Variants in LCK observed in about 807,000 individuals in gnomAD.
The protein encoded by LCK is tyrosine-protein kinase Lck.
A neutral mutation model predicts 64.6 loss-of-function variants in LCK; 14 were observed. The observed-to-expected ratio is 0.22, with a 90% CI of 0.14 to 0.34. The LOEUF (loss-of-function observed/expected upper bound fraction) is 0.34. Among genes scored for constraint, LCK ranks in the 10% least tolerant of loss-of-function variants. LCK has a pLI of 1.00. For missense variants in LCK, 434 were observed against 668.1 expected, an observed-to-expected ratio of 0.65 and a Z score of 3.86; for synonymous variants, 277 against 263.6, an observed-to-expected ratio of 1.05 and a Z score of -0.49.
intron 1 of LCK, among the ~76,000 whole-genome samples, chr1:32,265,877 G>A (rs575444419): frequency 1.2e-4 from 18 of 151,584 alleles, no homozygotes; most frequent in African/African-American, 3.9e-4. Flanking sequence ...GTCTTGCTAC[G>A]TTGCCCAGGC....
chr1:32,266,680 C>A (rs1639923489), intron 1 of LCK, among the ~76,000 whole-genome samples: 1 of 77,222 alleles, frequency 1.3e-5, no homozygotes, highest in Non-Finnish European at 2.7e-5. Flanking sequence ...TCCTCCCCCT[C>A]CCCTTCCCCC....
chr1:32,274,957 C>T (rs779517104), intron 3 of LCK, 36 bp from the exon 4 acceptor site: 1 of 1,614,220 alleles, frequency 6.2e-7, no homozygotes, highest in Non-Finnish European at 8.5e-7. Flanking sequence ...CTGCCGATCC[C>T]AGCTCGGTTC....
chr1:32,259,816 C>A (rs1455128529), intron 1 of LCK, among the ~76,000 whole-genome samples: 1 of 151,510 alleles, frequency 6.6e-6, no homozygotes, highest in Non-Finnish European at 1.5e-5. Context: ...GAGGGCAAGA[C>A]CCTGTCTCAA....
rs746980721 is a variant in LCK at position 32,275,556 on chromosome 1, C to T, written c.378-13C>T. ...GACAGCCGACGGCCTTCGTTCGCTTCCGCCCTGCACAGCTGGTTCTTCAAG... is the reference window on the plus strand; with the variant it reads ...GACAGCCGACGGCCTTCGTTCGCTTTCGCCCTGCACAGCTGGTTCTTCAAG... On this transcript the variant is annotated splice_polypyrimidine_tract_variant and intron_variant, in intron 5 of 12. Transcript: ENST00000336890. The surrounding 1 kb of genome is among the most constrained non-coding windows in gnomAD (Gnocchi z 6.9). 6 of 1,563,408 alleles carry T rather than the reference C, an allele frequency of 3.8e-6. No individual in the cohort carries two copies. The highest frequency in any genetic ancestry group is 5.2e-6 in the Non-Finnish European group (6 of 1,153,340).
In LCK at chr1:32,285,712, C is replaced by A. The variant is rs1411051486; in HGVS notation, c.1526C>A (p.Pro509His). ...ACAGAGGGCCAGTACCAGCCTCAGC[C>A]TTGAGAGGCCTTGAGAGGCCCTGGG... ...TATEGQYQPQ[P>H] is the part of the protein sequence containing the mutation. Residue 509 changes from proline (P) to histidine (H), a missense_variant, in exon 13 of 13, where the codon CCT becomes CAT. Pro to His is a moderately conservative substitution (Grantham distance 77, BLOSUM62 -2). This residue lies in a region of LCK where 201 missense variants were observed against 376.9 expected (regional missense o/e 0.53). Transcript: ENST00000336890. The A allele has an allele frequency of 6.3e-7, 1 of 1,579,732 alleles. No homozygotes were observed. The highest frequency in any genetic ancestry group is 1.9e-5 in the Admixed American group (1 of 53,804).
At chr1:32,280,443 CTTTTTTTT>C (rs770430504) in intron 12 of LCK, among the ~76,000 whole-genome samples, 11 of 84,754 alleles carry the variant, frequency 1.3e-4, no homozygotes, top group South Asian at 8.8e-4. Context: ...TTTTCTTTTT[CTTTTTTTT>C]TTTTTTTTTT....
intron 1 of LCK, among the ~76,000 whole-genome samples, chr1:32,257,301 C>A (rs1269565670): frequency 2.0e-5 from 3 of 150,058 alleles, no homozygotes; most frequent in South Asian, 2.1e-4. Context: ...TAGGCTGGAG[C>A]GTAGTGGCCC....
chr1:32,260,024 A>T (rs936729619), intron 1 of LCK, among the ~76,000 whole-genome samples: 9 of 151,448 alleles, frequency 5.9e-5, no homozygotes, highest in East Asian at 1.9e-4. Context: ...ATTTTTTTTT[A>T]ATTTTATTTT....
At chr1:32,270,983 T>G (rs1640064821) in intron 1 of LCK, among the ~76,000 whole-genome samples, 1 of 149,484 alleles carries the variant, frequency 6.7e-6, no homozygotes, top group African/African-American at 2.5e-5. Flanking sequence ...ATTACAGGTG[T>G]GAGCCACCGC....
intron 1 of LCK, among the ~76,000 whole-genome samples, chr1:32,258,149 G>A (rs935034046): frequency 3.9e-5 from 6 of 152,018 alleles, no homozygotes; most frequent in Admixed American, 2.6e-4. Flanking sequence ...TGGGCTTGGT[G>A]GTGTGTACCT....
chr1:32,262,618 T>G (rs1453915181), intron 1 of LCK, among the ~76,000 whole-genome samples: 2 of 151,052 alleles, frequency 1.3e-5, no homozygotes, highest in East Asian at 4.0e-4. Flanking sequence ...GAGACGGGGT[T>G]TCACCATGTT....
intron 1 of LCK, among the ~76,000 whole-genome samples, chr1:32,273,236 T>G (rs1569946002): frequency 7.2e-6 from 1 of 138,538 alleles, no homozygotes; most frequent in African/African-American, 2.7e-5. Flanking sequence ...TGTGGGAGGG[T>G]GAGTCTGTGT....
At chr1:32,277,445 C>T (rs1048450116) in intron 9 of LCK, among the ~76,000 whole-genome samples, 6 of 152,044 alleles carry the variant, frequency 3.9e-5, no homozygotes, top group Admixed American at 6.6e-5. Context: ...CTCCCTTCTG[C>T]CCCTGAGCCC....
Position 32,268,443 on chromosome 1 carries a change from C to T in LCK, c.-5-5882C>T, listed in dbSNP as rs377219688. ...TCCTCCTGCCTCAGCCTCCCAAGCA[C>T]CTGGGATTATAGGCATGCACCACCA... On this transcript the variant is annotated intron_variant, in intron 1 of 12. Coordinates refer to ENST00000336890, the MANE Select transcript of LCK (RefSeq NM_005356.5). 1.5e-4 allele frequency among the ~76,000 whole-genome samples: 22 copies of T among 151,340 alleles called. 1 individual carries two copies. The highest frequency in any genetic ancestry group is 1.2e-3 in the East Asian group (6 of 5,140).
At chr1:32,265,276 G>C (rs1436737788) in intron 1 of LCK, among the ~76,000 whole-genome samples, 1 of 152,146 alleles carries the variant, frequency 6.6e-6, no homozygotes, top group African/African-American at 2.4e-5. Context: ...AAGTATAGTG[G>C]AATTTCCTTT....
Position 32,285,859 on chromosome 1 carries a change from T to C in LCK, c.*143T>C. 1 of 814,318 alleles carries C rather than the reference T, an allele frequency of 1.2e-6. No individual in the cohort carries two copies. The highest frequency in any genetic ancestry group is 1.7e-5 in the South Asian group (1 of 60,226). The allele number at this position is 814,318 out of a possible 1,614,324, so 50.4% of individuals were successfully genotyped here. On this transcript the variant is annotated 3_prime_UTR_variant, in exon 13 of 13. Transcript: ENST00000336890. ...ACCCACATGTGACACATATGCACCT[T>C]GTGTCTGTACACGTGTCCTGTAGTT...
At chr1:32,262,866 G>T (rs1439515888) in intron 1 of LCK, among the ~76,000 whole-genome samples, 2 of 126,920 alleles carry the variant, frequency 1.6e-5, no homozygotes, top group East Asian at 2.5e-4. Flanking sequence ...TGGAGGAAGG[G>T]AGAAAAAAAA....
intron 9 of LCK, chr1:32,279,465 C>T: frequency 1.2e-6 from 1 of 805,982 alleles, no homozygotes; most frequent in Non-Finnish European, 1.9e-6. Context: ...ACAGATCCCT[C>T]CCAGCATGCT....
rs950834998 is a variant in LCK at position 32,274,784 on chromosome 1, C to T, written c.153C>T (p.Tyr51=). 9 of 1,612,470 alleles carry T rather than the reference C, an allele frequency of 5.6e-6. No homozygotes were observed. The highest frequency in any genetic ancestry group is 5.0e-5 in the Admixed American group (3 of 59,884). The part of the protein sequence containing the change: ...GSEVRDPLVT[Y]EGSNPPASPL... ...AGGTGCGGGACCCACTGGTTACCTA[C>T]GAAGGCTCCAATCCGCCGGCTTCCC... Residue 51 remains tyrosine (Y), a synonymous_variant, in exon 3 of 13, where the codon TAC becomes TAT. Transcript: ENST00000336890.
Sources: allele counts gnomAD v4.1 joint callset (sites outside exome capture counted in the v4.1 genomes callset), GRCh38; gene constraint gnomAD v4.1.1; regional missense constraint gnomAD v4.1.1; non-coding constraint Gnocchi (gnomAD v3.1); transcripts MANE v1.5; gene names NCBI Gene and HGNC (gene_info 2026-07-23, HGNC 2026-07-21).